KLF8: variants seen among roughly 807,000 people sequenced by gnomAD.
KLF8 encodes the protein Krueppel-like factor 8.
A neutral mutation model predicts 18.2 loss-of-function variants in KLF8; 10 were observed. The observed-to-expected ratio is 0.55, with a 90% CI of 0.34 to 0.93. The LOEUF is 0.93. KLF8 is among the 40% of genes least tolerant of loss of function. The pLI is 0.02. For synonymous variants in KLF8, 109 were observed against 97.3 expected (o/e 1.12, Z -0.71); for missense variants, 264 against 277.9 (o/e 0.95, Z 0.36).
At chrX:56,155,667 T>A in the KLF8 span, among the ~76,000 whole-genome samples, 1 of 111,511 alleles carries the variant, frequency 9.0e-6, no homozygotes, top group African/African-American at 3.3e-5. Flanking sequence ...TTTTTTAAAT[T>A]TCAACTTTTA....
At chrX:55,915,970 C>T in the KLF8 span, among the ~76,000 whole-genome samples, 1 of 111,680 alleles carries the variant, frequency 9.0e-6, no homozygotes, top group Non-Finnish European at 1.9e-5. Context: ...AATTATATTA[C>T]CTAGTGAGCA....
the KLF8 span, among the ~76,000 whole-genome samples, chrX:56,034,285 T>C: frequency 8.9e-6 from 1 of 112,232 alleles, no homozygotes; most frequent in Non-Finnish European, 1.9e-5. Context: ...CTTTTCCCAT[T>C]GTATATTATT....
chrX:56,251,018 C>T (rs1335959783), intron 2 of KLF8, among the ~76,000 whole-genome samples: 1 of 112,296 alleles, frequency 8.9e-6, no homozygotes, highest in African/African-American at 3.2e-5. Flanking sequence ...TTGGTCTCAT[C>T]CAAAAAAATA....
chrX:56,028,973 T>C, the KLF8 span, among the ~76,000 whole-genome samples: 62 of 110,787 alleles, frequency 5.6e-4, no homozygotes, highest in Non-Finnish European at 1.1e-3. Flanking sequence ...AGGGGGGTGT[T>C]CCATGGAGAC....
the KLF8 span, among the ~76,000 whole-genome samples, chrX:56,159,873 T>A: frequency 1.8e-5 from 2 of 111,726 alleles, no homozygotes; most frequent in South Asian, 3.7e-4. Context: ...AGGGTTTTTT[T>A]ATGTCTCTAT....
At position 56,289,481 on chromosome X, in the gene KLF8, T is replaced by C. The variant is rs149743938; in HGVS notation, c.*4987T>C. Among the ~76,000 whole-genome samples, 1 of 112,190 alleles carries C rather than the reference T, an allele frequency of 8.9e-6. No individual in the cohort carries two copies. The highest frequency in any genetic ancestry group is 3.2e-5 in the African/African-American group (1 of 30,881). On this transcript the variant is annotated 3_prime_UTR_variant, in exon 6 of 6. Transcript: ENST00000468660. ...TCTCAGCTAACAGCAAGGAAACATA[T>C]GTGTGTATACTATCCTATGTATATG...
intron 1 of KLF8, among the ~76,000 whole-genome samples, chrX:56,234,083 C>A (rs759813084): frequency 4.2e-4 from 46 of 110,077 alleles, no homozygotes; most frequent in Admixed American, 5.8e-4. Flanking sequence ...TTTTTTTTAA[C>A]CCTAAGAATT....
the KLF8 span, among the ~76,000 whole-genome samples, chrX:56,175,565 T>C: frequency 8.9e-6 from 1 of 111,832 alleles, no homozygotes. Flanking sequence ...GAGAAGAATA[T>C]ATATTCTGTT....
At chrX:56,160,297 C>T in the KLF8 span, among the ~76,000 whole-genome samples, 1 of 111,645 alleles carries the variant, frequency 9.0e-6, no homozygotes, top group Non-Finnish European at 1.9e-5. Flanking sequence ...CTAAGGAGAC[C>T]TTTACTTCCA....
At chrX:56,073,790 G>A in the KLF8 span, among the ~76,000 whole-genome samples, 1 of 102,785 alleles carries the variant, frequency 9.7e-6, no homozygotes, top group Non-Finnish European at 2.0e-5. Context: ...TTCTCGCCCA[G>A]TCTTGAGTGC....
the KLF8 span, among the ~76,000 whole-genome samples, chrX:56,212,808 A>G: frequency 1.8e-5 from 2 of 111,860 alleles, no homozygotes; most frequent in Non-Finnish European, 3.8e-5. Flanking sequence ...TTTTGTGTGT[A>G]GATAGTTAAC....
chrX:56,252,193 T>G (rs2066724990), intron 2 of KLF8, among the ~76,000 whole-genome samples: 1 of 111,339 alleles, frequency 9.0e-6, no homozygotes, highest in African/African-American at 3.3e-5. Flanking sequence ...TTTGTATTTT[T>G]AGTAGAGACA....
chrX:56,076,522 T>C, the KLF8 span, among the ~76,000 whole-genome samples: 6 of 111,491 alleles, frequency 5.4e-5, no homozygotes, highest in African/African-American at 2.0e-4. Flanking sequence ...TGCCACATTT[T>C]CTTAATCCAG....
the KLF8 span, among the ~76,000 whole-genome samples, chrX:56,088,408 T>C: frequency 9.0e-6 from 1 of 111,385 alleles, no homozygotes; most frequent in Non-Finnish European, 1.9e-5. Context: ...AGTGTATAGG[T>C]ACATTTTTTT....
upstream of KLF8, among the ~76,000 whole-genome samples, chrX:56,228,031 CCTGGCCACATGTTT>C: frequency 9.0e-6 from 1 of 111,614 alleles, no homozygotes; most frequent in African/African-American, 3.3e-5. Flanking sequence ...AATTTCAAAC[CCTGGCCACATGTTT>C]CTGGCCCATT....
At chrX:56,076,061 T>C in the KLF8 span, among the ~76,000 whole-genome samples, 1 of 109,423 alleles carries the variant, frequency 9.1e-6, no homozygotes, top group African/African-American at 3.3e-5. Flanking sequence ...ATGCAGTGTT[T>C]GGTTTTTTGT....
chrX:56,151,077 A>G, the KLF8 span, among the ~76,000 whole-genome samples: 4 of 111,293 alleles, frequency 3.6e-5, no homozygotes, highest in African/African-American at 1.3e-4. Flanking sequence ...TATGGTAAAA[A>G]TAAGAACTCT....
the KLF8 span, among the ~76,000 whole-genome samples, chrX:56,190,336 T>C: frequency 9.0e-6 from 1 of 111,241 alleles, no homozygotes; most frequent in Non-Finnish European, 1.9e-5. Flanking sequence ...ATAAAGCAAT[T>C]ATCATTAGAG....
the KLF8 span, among the ~76,000 whole-genome samples, chrX:56,158,055 T>A: frequency 8.9e-6 from 1 of 112,032 alleles, no homozygotes; most frequent in Non-Finnish European, 1.9e-5. Context: ...CCATCTTGAA[T>A]TAATTTTTGT....
Sources: gnomAD v4.1 joint callset for allele counts (sites outside exome capture counted in the v4.1 genomes callset) on GRCh38, gnomAD v4.1.1 for gene constraint, MANE v1.5 for transcripts, NCBI Gene and HGNC (gene_info 2026-07-23, HGNC 2026-07-21) for gene names.